CALD1: variants seen among roughly 807,000 people sequenced by gnomAD.
CALD1 encodes the protein caldesmon 1, also known as caldesmon.
A neutral mutation model predicts 99.9 loss-of-function variants in CALD1; 33 were observed. That is an observed-to-expected ratio of 0.33 (90% CI 0.25 to 0.44). CALD1 has a LOEUF of 0.44. Among genes scored for constraint, CALD1 ranks in the 20% least tolerant of loss-of-function variants. The pLI is 1.00. For missense variants in CALD1, 861 were observed against 962.1 expected (o/e 0.89, Z 1.39); for synonymous variants, 310 against 325.0 (o/e 0.95, Z 0.50).
the CALD1 span, among the ~76,000 whole-genome samples, chr7:134,728,064 CTGATTT>C: frequency 6.6e-6 from 1 of 152,118 alleles, no homozygotes; most frequent in Non-Finnish European, 1.5e-5. Context: ...TAAATGCCAA[CTGATTT>C]TCTTTGTATT....
At chr7:134,891,709 TC>T in intron 3 of CALD1, 15 of 1,336,648 alleles carry the variant, frequency 1.1e-5, no homozygotes, top group South Asian at 2.8e-5. Context: ...TTTTTTCCTT[TC>T]TTTTTTTTTT....
intron 3 of CALD1, chr7:134,891,707 T>C (rs1296086055): frequency 2.2e-6 from 3 of 1,341,016 alleles, no homozygotes; most frequent in Non-Finnish European, 3.0e-6. Context: ...GGTTTTTTCC[T>C]TTCTTTTTTT....
chr7:134,786,465 A>T lies in CALD1; in HGVS notation c.-130+6716A>T, dbSNP rs141031999. Among the ~76,000 whole-genome samples, 431 of 152,234 alleles carry T rather than the reference A, an allele frequency of 2.8e-3. 1 individual carries two copies. The highest frequency in any genetic ancestry group is 3.8e-3 in the Non-Finnish European group (261 of 67,972). The stretch of plus-strand genomic sequence containing the variant: ...AGTAGAAATTCTTTTTAAAATATGA[A>T]CCAGTGATCTATTTTTTATTCTCCA... On this transcript the variant is annotated intron_variant, in intron 1 of 14. Transcript: ENST00000361675.
At chr7:134,795,278 G>T (rs138221482) in intron 1 of CALD1, among the ~76,000 whole-genome samples, 1 of 152,126 alleles carries the variant, frequency 6.6e-6, no homozygotes, top group South Asian at 2.1e-4. Context: ...GAATCATGGG[G>T]ATGGGTCTCT....
At chr7:134,711,811 T>C in the CALD1 span, among the ~76,000 whole-genome samples, 2 of 150,778 alleles carry the variant, frequency 1.3e-5, no homozygotes, top group Admixed American at 6.6e-5. Context: ...ATACAGGCTG[T>C]TATGTAAAGT....
intron 3 of CALD1, among the ~76,000 whole-genome samples, chr7:134,900,821 G>C (rs1428467525): frequency 1.3e-5 from 2 of 151,928 alleles, no homozygotes; most frequent in East Asian, 3.9e-4. Flanking sequence ...CTTTCCCTCT[G>C]AACATTCCCC....
chr7:134,834,641 T>C (rs1179439991), intron 1 of CALD1, among the ~76,000 whole-genome samples: 1 of 152,194 alleles, frequency 6.6e-6, no homozygotes, highest in Non-Finnish European at 1.5e-5. Flanking sequence ...CATTTAAGAA[T>C]AGAGATATGC....
Position 134,783,914 on chromosome 7 carries a change from T to C in CALD1, c.-130+4165T>C, listed in dbSNP as rs1278205369. Among the ~76,000 whole-genome samples, 2 of 152,114 alleles carry C rather than the reference T, an allele frequency of 1.3e-5. No individual in the cohort carries two copies. The highest frequency in any genetic ancestry group is 2.9e-5 in the Non-Finnish European group (2 of 68,040). On this transcript the variant is annotated intron_variant, in intron 1 of 14. Coordinates refer to ENST00000361675, the MANE Select transcript of CALD1 (RefSeq NM_033138.4). This position sits in a 1 kb window ranked among gnomAD's most constrained non-coding sequence, Gnocchi z 4.3. Reference sequence around the variant, plus strand: ...CTCCATTTCAAAGAAAAAGAGGTCATTTCCAGAAAAGAAGCAATTTTCTAT... The same window carrying C: ...CTCCATTTCAAAGAAAAAGAGGTCACTTCCAGAAAAGAAGCAATTTTCTAT...
the CALD1 span, among the ~76,000 whole-genome samples, chr7:134,721,488 TTTCTACTG>T: frequency 6.6e-6 from 1 of 152,062 alleles, no homozygotes; most frequent in Non-Finnish European, 1.5e-5. Context: ...AGTAGAACAG[TTTCTACTG>T]TTCTACTGCT....
intron 3 of CALD1, among the ~76,000 whole-genome samples, chr7:134,916,545 T>C (rs1017738349): frequency 2.0e-5 from 3 of 152,238 alleles, no homozygotes; most frequent in Non-Finnish European, 4.4e-5. Context: ...AGAGCCTGTC[T>C]AGAGAGGATG....
At chr7:134,856,540 T>C (rs1019263407) in intron 2 of CALD1, among the ~76,000 whole-genome samples, 1 of 152,188 alleles carries the variant, frequency 6.6e-6, no homozygotes, top group African/African-American at 2.4e-5. Context: ...CTAATTATGA[T>C]AGAGGGGTAG....
intron 5 of CALD1, among the ~76,000 whole-genome samples, chr7:134,934,294 T>TTTGGC (rs1243407200): frequency 1.3e-5 from 2 of 152,156 alleles, no homozygotes; most frequent in African/African-American, 4.8e-5. Context: ...AGCCAGTAAA[T>TTTGGC]TTGGCTGTCC....
rs116944091 is a variant in CALD1, at chr7:134,951,493, G to A, written c.1935+979G>A. ...TTTAAAAGTTTAAGCTGCTTTTCAT[G>A]CTAGCTGTTCATTTTTTCTTTGTCA... On this transcript the variant is annotated intron_variant, in intron 9 of 14. Transcript: ENST00000361675. Among the ~76,000 whole-genome samples the A allele has an allele frequency of 3.9e-3, 590 of 152,306 alleles. 4 individuals are homozygous for A. Among genetic ancestry groups the A allele is most frequent in the Middle Eastern group, 0.024 (7 of 294 alleles).
chr7:134,892,281 T>C (rs1055656347), intron 3 of CALD1, among the ~76,000 whole-genome samples: 4 of 152,188 alleles, frequency 2.6e-5, no homozygotes, highest in African/African-American at 9.6e-5. Context: ...TGTCTTTCAA[T>C]AGGCAGGGAA....
chr7:134,819,584 TTAAC>T (rs1239233807), intron 1 of CALD1, among the ~76,000 whole-genome samples: 1 of 152,210 alleles, frequency 6.6e-6, no homozygotes, highest in African/African-American at 2.4e-5. Flanking sequence ...AATAAAGTGT[TTAAC>T]TATCTTTACA....
chr7:134,942,378 A>C (rs1806518878), intron 7 of CALD1, among the ~76,000 whole-genome samples: 1 of 152,102 alleles, frequency 6.6e-6, no homozygotes, highest in Non-Finnish European at 1.5e-5. Flanking sequence ...CGGTTGCCCC[A>C]AAACAATTTT....
chr7:134,764,927 T>G (rs73446145), intron 1 of CALD1, among the ~76,000 whole-genome samples: 7,462 of 152,244 alleles, frequency 0.049, 602 homozygotes, highest in African/African-American at 0.16. Flanking sequence ...GGATGATTAT[T>G]GATTCCCCTA....
intron 2 of CALD1, among the ~76,000 whole-genome samples, chr7:134,849,813 C>T (rs1800003876): frequency 6.6e-6 from 1 of 152,144 alleles, no homozygotes; most frequent in African/African-American, 2.4e-5. Flanking sequence ...CAGGGCCTCT[C>T]ATGGGGAGAG....
At position 134,786,533 on chromosome 7, in the gene CALD1, T is replaced by C. The variant is rs983894567; in HGVS notation, c.-130+6784T>C. Among the ~76,000 whole-genome samples the C allele has an allele frequency of 1.4e-4, 22 of 152,208 alleles. 1 individual carries two copies. Among genetic ancestry groups the C allele is most frequent in the Non-Finnish European group, 2.9e-5 (2 of 68,036 alleles). ...GTAAAATTATGTATGTATTTGTAGG[T>C]TTCTTCGATTAATGTCTGCCCTGTC... is the stretch of plus-strand genomic sequence containing the variant. On this transcript the variant is annotated intron_variant, in intron 1 of 14. Transcript: ENST00000361675.
Sources: allele counts gnomAD v4.1 joint callset (sites outside exome capture counted in the v4.1 genomes callset), GRCh38; gene constraint gnomAD v4.1.1; non-coding constraint Gnocchi (gnomAD v3.1); transcripts MANE v1.5; gene names NCBI Gene and HGNC (gene_info 2026-07-23, HGNC 2026-07-21).